Variants in UVRAG observed in about 807,000 individuals in gnomAD.
UVRAG encodes the protein UV radiation resistance-associated gene protein.
In UVRAG, 19 loss-of-function variants were observed where a neutral mutation model predicts 78.0. The observed-to-expected ratio is 0.24, with a 90% CI of 0.17 to 0.36. The LOEUF (loss-of-function observed/expected upper bound fraction) is 0.36. Among genes scored for constraint, UVRAG ranks in the 10% least tolerant of loss-of-function variants. UVRAG has a pLI of 1.00. For missense variants in UVRAG, 740 were observed against 853.8 expected (o/e 0.87, Z 1.66); for synonymous variants, 323 against 324.6 (o/e 1.00, Z 0.05).
intron 12 of UVRAG, among the ~76,000 whole-genome samples, chr11:76,047,609 A>G (rs1055628291): frequency 1.3e-5 from 2 of 152,246 alleles, no homozygotes; most frequent in Admixed American, 6.5e-5. Context: ...ATTCCCGAAT[A>G]TAAAGATAGG....
chr11:76,113,206 T>G (rs1952112035), intron 13 of UVRAG, among the ~76,000 whole-genome samples: 2 of 152,204 alleles, frequency 1.3e-5, no homozygotes, highest in South Asian at 4.1e-4. Flanking sequence ...AAATATTGAT[T>G]TAATTTAAAA....
chr11:76,084,297 A>G (rs1951546872), intron 13 of UVRAG, among the ~76,000 whole-genome samples: 1 of 152,222 alleles, frequency 6.6e-6, no homozygotes, highest in Non-Finnish European at 1.5e-5. Context: ...TACATCTTCC[A>G]TCAGTGCTTT....
intron 6 of UVRAG, among the ~76,000 whole-genome samples, chr11:75,920,007 G>GTTTTTT (rs1947940041): frequency 1.4e-5 from 1 of 72,730 alleles, no homozygotes; most frequent in Non-Finnish European, 2.9e-5. Context: ...AAATAATTTT[G>GTTTTTT]GTTTTTTTTT....
At chr11:76,065,105 G>GGTTTTAACCTGT (rs1218648167) in intron 12 of UVRAG, among the ~76,000 whole-genome samples, 10 of 152,310 alleles carry the variant, frequency 6.6e-5, no homozygotes, top group Admixed American at 5.2e-4. Context: ...TGTTGCTCCA[G>GGTTTTAACCTGT]TGAGGCAGGT....
At chr11:75,876,100 C>T (rs536224723) in intron 3 of UVRAG, among the ~76,000 whole-genome samples, 1 of 152,172 alleles carries the variant, frequency 6.6e-6, no homozygotes, top group Non-Finnish European at 1.5e-5. Context: ...ACCTCTAGAT[C>T]TCCACTTACC....
chr11:76,097,588 A>G (rs533424955), intron 13 of UVRAG, among the ~76,000 whole-genome samples: 3 of 152,100 alleles, frequency 2.0e-5, no homozygotes, highest in African/African-American at 7.2e-5. Flanking sequence ...TTTTTACTGT[A>G]CTTATGTTTC....
chr11:76,081,644 T>A (rs545674754), intron 13 of UVRAG, among the ~76,000 whole-genome samples: 180 of 151,240 alleles, frequency 1.2e-3, no homozygotes, highest in African/African-American at 3.4e-3. Flanking sequence ...TGTATGATTT[T>A]AAAAAAAAAC....
At chr11:76,009,725 T>C (rs1171409907) in intron 11 of UVRAG, among the ~76,000 whole-genome samples, 2 of 152,176 alleles carry the variant, frequency 1.3e-5, no homozygotes, top group East Asian at 1.9e-4. Context: ...GTAAGTACTT[T>C]GGACGTGATA....
At chr11:75,877,712 C>T (rs1302800806) in intron 3 of UVRAG, among the ~76,000 whole-genome samples, 4 of 141,990 alleles carry the variant, frequency 2.8e-5, no homozygotes, top group Admixed American at 6.8e-5. Context: ...ACCTCCTGGA[C>T]GGGGCGGCTG....
intron 6 of UVRAG, among the ~76,000 whole-genome samples, chr11:75,927,930 A>G (rs758013025): frequency 1.3e-5 from 2 of 152,096 alleles, no homozygotes; most frequent in East Asian, 1.9e-4. Flanking sequence ...TCTGATTTCT[A>G]GTTTTTAAAA....
At chr11:76,024,876 A>T (rs1160866681) in intron 12 of UVRAG, among the ~76,000 whole-genome samples, 1 of 152,106 alleles carries the variant, frequency 6.6e-6, no homozygotes, top group Non-Finnish European at 1.5e-5. Flanking sequence ...ATGGAATCAG[A>T]TCTTCATGGG....
At chr11:76,088,800 G>T (rs1951641205) in intron 13 of UVRAG, among the ~76,000 whole-genome samples, 1 of 152,164 alleles carries the variant, frequency 6.6e-6, no homozygotes, top group Admixed American at 6.5e-5. Context: ...CCTGAACAGA[G>T]TTATCACCCA....
intron 5 of UVRAG, among the ~76,000 whole-genome samples, chr11:75,910,070 T>G (rs1379295466): frequency 6.6e-6 from 1 of 152,232 alleles, no homozygotes; most frequent in East Asian, 1.9e-4. Context: ...ACTAAAAAAG[T>G]AGATATGGGA....
In UVRAG at chr11:75,961,563, T is replaced by C. The variant is rs907562045; in HGVS notation, c.699+14T>C. On this transcript the variant is annotated intron_variant, in intron 7 of 14. Transcript: ENST00000356136. ...AGCAATGAACTGGTAGGTTTTTATG[T>C]ATTTACCTGTTTACACTTCTTGTTT... The C allele has an allele frequency of 3.2e-5, 50 of 1,562,810 alleles. No individual in the cohort carries two copies. The highest frequency in any genetic ancestry group is 4.1e-5 in the Non-Finnish European group (48 of 1,157,006).
intron 6 of UVRAG, among the ~76,000 whole-genome samples, chr11:75,926,101 C>T (rs1948097106): frequency 6.6e-6 from 1 of 151,932 alleles, no homozygotes; most frequent in Non-Finnish European, 1.5e-5. Flanking sequence ...AGTCTTGTGG[C>T]ACCCACACAA....
At chr11:76,137,513 G>A (rs1772989551) in intron 14 of UVRAG, 1 of 451,976 alleles carries the variant, frequency 2.2e-6, no homozygotes, top group Non-Finnish European at 4.4e-6. Flanking sequence ...AAAAATGGAG[G>A]GAAAAAATGT....
intron 7 of UVRAG, among the ~76,000 whole-genome samples, chr11:75,962,739 G>T (rs1413081855): frequency 6.6e-6 from 1 of 152,086 alleles, no homozygotes; most frequent in Non-Finnish European, 1.5e-5. Context: ...TTTCTGTAGT[G>T]TATAAAAATG....
intron 3 of UVRAG, among the ~76,000 whole-genome samples, chr11:75,873,241 A>C (rs995846494): frequency 2.0e-5 from 3 of 152,196 alleles, no homozygotes; most frequent in African/African-American, 7.2e-5. Context: ...ACTTTTTCCA[A>C]ATGAATCTTA....
intron 7 of UVRAG, among the ~76,000 whole-genome samples, chr11:75,980,641 A>AT (rs1286687932): frequency 6.8e-6 from 1 of 147,278 alleles, no homozygotes; most frequent in African/African-American, 2.5e-5. Context: ...ATATTAGTAA[A>AT]TTTTGCCTTT....
Sources: allele counts gnomAD v4.1 joint callset (sites outside exome capture counted in the v4.1 genomes callset), GRCh38; gene constraint gnomAD v4.1.1; transcripts MANE v1.5; gene names NCBI Gene and HGNC (gene_info 2026-07-23, HGNC 2026-07-21).